The following PSME4 variants were observed in gnomAD, a reference collection of about 807,000 sequenced individuals.
PSME4 encodes proteasome activator subunit 4.
In PSME4, 89 loss-of-function variants were observed where a neutral mutation model predicts 253.9. The observed-to-expected ratio is 0.35, with a 90% CI of 0.30 to 0.42. PSME4 has a LOEUF of 0.42. PSME4 is among the 10% of genes least tolerant of loss of function. The pLI, the probability that PSME4 is intolerant of heterozygous loss-of-function variation, is 1.00. For synonymous variants in PSME4, 851 were observed against 759.2 expected (o/e 1.12, Z -1.99); for missense variants, 2,014 against 2,195.2 (o/e 0.92, Z 1.65).
rs183160520 is a variant in PSME4, at chr2:53,911,381, T to C, written c.2517-1251A>G. On this transcript the variant is annotated intron_variant, in intron 20 of 46. Transcript: ENST00000404125. Reference sequence around the variant, plus strand: ...AATTCCTCTTAAAATTTTGTTTTCCTTCTATAAAGCTTCAACCACTGGCAA... The same window carrying C: ...AATTCCTCTTAAAATTTTGTTTTCCCTCTATAAAGCTTCAACCACTGGCAA... Among the ~76,000 whole-genome samples the C allele has an allele frequency of 3.1e-3, 468 of 152,338 alleles. 4 individuals are homozygous for C. The Middle Eastern group carries it at 0.044, about 14-fold the overall frequency.
In PSME4 at chr2:53,916,607, G is replaced by A. The variant is rs1037542121; in HGVS notation, c.2516+2544C>T. ...TCACAGAACAATGGGACCATTTATT[G>A]GAATTACTGTATTAGTTTTTTCAAA... On this transcript the variant is annotated intron_variant, in intron 20 of 46. Coordinates refer to ENST00000404125, the MANE Select transcript of PSME4 (RefSeq NM_014614.3). Among the ~76,000 whole-genome samples, 4 of 152,026 alleles carry A rather than the reference G, an allele frequency of 2.6e-5. No homozygotes were observed. In the South Asian group the frequency reaches 8.3e-4, roughly 32 times the overall value.
intron 1 of PSME4, among the ~76,000 whole-genome samples, chr2:53,956,984 T>C (rs925416204): frequency 3.3e-5 from 5 of 152,172 alleles, no homozygotes; most frequent in Admixed American, 1.3e-4. Context: ...TTTAAAACCA[T>C]TGAGTTCATG....
intron 1 of PSME4, among the ~76,000 whole-genome samples, chr2:53,954,969 C>T (rs924636990): frequency 1.3e-5 from 2 of 151,858 alleles, no homozygotes; most frequent in African/African-American, 4.8e-5. Context: ...CACTTGAGGA[C>T]AGGAATTCAA....
chr2:53,933,207 G>A (rs1232773945), intron 8 of PSME4: 3 of 159,338 alleles, frequency 1.9e-5, no homozygotes, highest in South Asian at 1.8e-4. Flanking sequence ...GTGAAACCCT[G>A]TCTCTACTAG....
chr2:53,877,517 A>G (rs1456173421), intron 41 of PSME4, among the ~76,000 whole-genome samples: 1 of 152,056 alleles, frequency 6.6e-6, no homozygotes, highest in Non-Finnish European at 1.5e-5. Flanking sequence ...GTTAAAAAAA[A>G]TTATTCTGAC....
intron 36 of PSME4, 102 bp downstream of exon 36, chr2:53,892,706 T>G (rs1679966557): frequency 1.8e-6 from 2 of 1,097,822 alleles, no homozygotes; most frequent in Non-Finnish European, 2.6e-6. Flanking sequence ...TCACTGAAGA[T>G]TTCATATTTT....
chr2:53,886,434 T>C (rs1192084319), intron 40 of PSME4, among the ~76,000 whole-genome samples: 1 of 152,164 alleles, frequency 6.6e-6, no homozygotes, highest in Non-Finnish European at 1.5e-5. Context: ...AAACAAGAAA[T>C]ACGAATGGCT....
At chr2:53,933,998 CTAACGTGT>C (rs1409934424) in intron 8 of PSME4, among the ~76,000 whole-genome samples, 1 of 152,068 alleles carries the variant, frequency 6.6e-6, no homozygotes, top group Non-Finnish European at 1.5e-5. Context: ...CAGAAACAAG[CTAACGTGT>C]AAAACAGAAT....
intron 20 of PSME4, among the ~76,000 whole-genome samples, chr2:53,915,778 G>A (rs964504109): frequency 1.4e-4 from 22 of 151,864 alleles, no homozygotes; most frequent in African/African-American, 5.3e-4. Flanking sequence ...TTAAAAAAAA[G>A]AATTTTATGA....
chr2:53,935,083 A>T (rs1179025808), intron 7 of PSME4, among the ~76,000 whole-genome samples: 1 of 152,060 alleles, frequency 6.6e-6, no homozygotes, highest in East Asian at 1.9e-4. Context: ...TGCACAAATA[A>T]TTTTTCCTGA....
chr2:53,927,393 C>T lies in PSME4; in HGVS notation c.1593+1G>A. ...CTTTTATAACCATAAAATACCCTTA[C>T]TTCTGTGAGGTCATTTCTTTCTTGT... On this transcript the variant is annotated splice_donor_variant, in intron 12 of 46. Transcript: ENST00000404125. LOFTEE classifies it high-confidence loss of function. The T allele has an allele frequency of 6.5e-7, 1 of 1,549,120 alleles. No individual in the cohort carries two copies. The highest frequency in any genetic ancestry group is 8.9e-7 in the Non-Finnish European group (1 of 1,121,032).
intron 43 of PSME4, chr2:53,870,324 G>T (rs1339176224): frequency 6.7e-6 from 1 of 149,920 alleles, no homozygotes; most frequent in Non-Finnish European, 1.5e-5. Flanking sequence ...TGTTTTACTG[G>T]TTGCACTATT....
intron 21 of PSME4, 34 bp from the exon 22 acceptor site, chr2:53,908,874 C>T: frequency 6.8e-7 from 1 of 1,465,286 alleles, no homozygotes; most frequent in South Asian, 1.2e-5. Context: ...GTATTTTAGA[C>T]ACTGAATGCT....
At chr2:53,932,950 T>C in intron 8 of PSME4, 190 bp from the exon 9 acceptor site, 1 of 533,366 alleles carries the variant, frequency 1.9e-6, no homozygotes. Flanking sequence ...ACTCAAAATA[T>C]TCTACTGCAA....
chr2:53,970,863 C>T lies in PSME4; in HGVS notation c.-79G>A, dbSNP rs1671051371. ...ACCCCTCTCCGGGCTCCGCCTCCTC[C>T]GCGTCTTCGTCGCCCTGCGGCCGCT... On this transcript the variant is annotated 5_prime_UTR_variant, in exon 1 of 47. Transcript: ENST00000404125. The T allele has an allele frequency of 8.0e-6, 10 of 1,254,010 alleles. No individual in the cohort carries two copies. The highest frequency in any genetic ancestry group is 1.6e-5 in the African/African-American group (1 of 62,746). 77.7% of individuals were successfully genotyped at this position (1,254,010 alleles called of 1,614,324 possible).
chr2:53,884,169 G>A (rs1003615937), intron 41 of PSME4, among the ~76,000 whole-genome samples: 10 of 152,096 alleles, frequency 6.6e-5, no homozygotes, highest in African/African-American at 2.2e-4. Context: ...ATCCAGGTGA[G>A]ATGTTAGGCT....
chr2:53,906,151 G>C (rs1050467768), intron 26 of PSME4, among the ~76,000 whole-genome samples: 2 of 152,144 alleles, frequency 1.3e-5, no homozygotes, highest in Non-Finnish European at 2.9e-5. Context: ...CTAAAGGACA[G>C]ACCTCACAAT....
At chr2:53,877,836 G>A (rs909806366) in intron 41 of PSME4, among the ~76,000 whole-genome samples, 2 of 152,142 alleles carry the variant, frequency 1.3e-5, no homozygotes, top group Non-Finnish European at 2.9e-5. Flanking sequence ...TTATGGGTAT[G>A]CAAAGACATT....
chr2:53,968,057 G>A (rs1224765988), intron 1 of PSME4, among the ~76,000 whole-genome samples: 1 of 152,228 alleles, frequency 6.6e-6, no homozygotes, highest in East Asian at 1.9e-4. Context: ...CAGATTGCTT[G>A]AGGTCAGGAG....
Sources: gnomAD v4.1 joint callset for allele counts (sites outside exome capture counted in the v4.1 genomes callset) on GRCh38, gnomAD v4.1.1 for gene constraint, MANE v1.5 for transcripts, NCBI Gene and HGNC (gene_info 2026-07-23, HGNC 2026-07-21) for gene names.